Variants in GUCY2C observed in about 807,000 individuals in gnomAD.
The protein encoded by GUCY2C is guanylyl cyclase C.
In GUCY2C, 118 loss-of-function variants were observed where a neutral mutation model predicts 131.1. The ratio of observed to expected loss-of-function variants is 0.90; its 90% CI spans 0.78 to 1.05. The LOEUF is 1.05. Among genes scored for constraint, GUCY2C ranks in the 50% least tolerant of loss-of-function variants. The pLI is 0.00. For synonymous variants in GUCY2C, 452 were observed against 457.8 expected, an observed-to-expected ratio of 0.99 and a Z score of 0.16; for missense variants, 1,161 against 1,304.4, an observed-to-expected ratio of 0.89 and a Z score of 1.69.
chr12:14,678,460 C>T (rs1948283882), intron 6 of GUCY2C, among the ~76,000 whole-genome samples: 1 of 152,196 alleles, frequency 6.6e-6, no homozygotes, highest in Admixed American at 6.5e-5. Flanking sequence ...GTAAGGACTC[C>T]TTCCAGGGGT....
chr12:14,647,811 T>C (rs989928802), intron 15 of GUCY2C, among the ~76,000 whole-genome samples: 3 of 152,004 alleles, frequency 2.0e-5, no homozygotes, highest in African/African-American at 7.3e-5. Context: ...TTGGCTAATA[T>C]ATATGATATA....
intron 1 of GUCY2C, among the ~76,000 whole-genome samples, chr12:14,693,810 A>G (rs761304170): frequency 6.6e-6 from 1 of 152,246 alleles, no homozygotes; most frequent in South Asian, 2.1e-4. Flanking sequence ...GGAGATGATA[A>G]ATAACTCACC....
intron 10 of GUCY2C, among the ~76,000 whole-genome samples, chr12:14,668,595 C>T (rs1379905375): frequency 1.3e-5 from 2 of 151,852 alleles, no homozygotes; most frequent in African/African-American, 2.4e-5. Context: ...TGAGCCACCA[C>T]GCTTGGCTCT....
intron 2 of GUCY2C, among the ~76,000 whole-genome samples, chr12:14,687,456 C>T (rs1177474623): frequency 6.6e-6 from 1 of 152,006 alleles, no homozygotes; most frequent in African/African-American, 2.4e-5. Context: ...CCTGTCTCTA[C>T]AAATAATATA....
chr12:14,682,062 A>G (rs766875911), intron 4 of GUCY2C, among the ~76,000 whole-genome samples: 7 of 152,186 alleles, frequency 4.6e-5, no homozygotes, highest in Non-Finnish European at 8.8e-5. Context: ...TGGAGAAAGA[A>G]TGCAGAATTA....
chr12:14,663,200 G>A (rs1022539864), intron 10 of GUCY2C, among the ~76,000 whole-genome samples: 3 of 152,238 alleles, frequency 2.0e-5, no homozygotes, highest in Non-Finnish European at 4.4e-5. Context: ...AGAGAGCAGA[G>A]ATGCACAGAG....
Position 14,641,089 on chromosome 12 carries a change from G to T in GUCY2C, c.2061C>A (p.Asp687Glu), listed in dbSNP as rs1947393045. The part of the protein sequence containing the change: ...KETFYTLSCR[D>E]RNEKIFRVEN... ...GAATGGGTTTAGATGTACCATTCCG[G>T]TCCCGACAGCTCAAAGTGTAGAAGG... Residue 687 changes from aspartate to glutamate, a missense_variant, in exon 18 of 27, where the codon GAC becomes GAA. Coordinates refer to ENST00000261170, the MANE Select transcript of GUCY2C (RefSeq NM_004963.4). The T allele has an allele frequency of 6.2e-7, 1 of 1,613,380 alleles. No homozygotes were observed. Among genetic ancestry groups the T allele is most frequent in the Admixed American group, 1.7e-5 (1 of 60,002 alleles).
chr12:14,641,013 G>A (rs928379610), intron 18 of GUCY2C, 69 bp downstream of exon 18: 1 of 1,394,616 alleles, frequency 7.2e-7, no homozygotes. Flanking sequence ...GACAGATTAG[G>A]GTCTCAGTAA....
In GUCY2C at chr12:14,612,854, T is replaced by A; in HGVS notation, c.*263A>T. 1 of 371,980 alleles carries A rather than the reference T, an allele frequency of 2.7e-6. No homozygotes were observed. The highest frequency in any genetic ancestry group is 4.8e-6 in the Non-Finnish European group (1 of 207,344). The allele number at this position is 371,980 out of a possible 1,614,324, so 23.0% of individuals were successfully genotyped here. On this transcript the variant is annotated 3_prime_UTR_variant, in exon 27 of 27. Transcript: ENST00000261170. ...TAAAATCTTCTCAAGTTCTAGATAG[T>A]CTATTCATTTCTTTTCTTTTCCAGG...
intron 5 of GUCY2C, among the ~76,000 whole-genome samples, chr12:14,680,684 A>G (rs1948331433): frequency 6.6e-6 from 1 of 152,138 alleles, no homozygotes; most frequent in South Asian, 2.1e-4. Flanking sequence ...TTTTATTTGA[A>G]TAGATTTTTG....
chr12:14,674,906 T>G lies in GUCY2C; in HGVS notation c.949-146A>C, dbSNP rs7294807. ...TTGAAGGGATGTTATTAAAGGAGAC[T>G]TTTAGAAAACTCTTCCTTGGAGGCC... is the stretch of plus-strand genomic sequence containing the variant. On this transcript the variant is annotated intron_variant, in intron 7 of 26. Transcript: ENST00000261170. 0.011 allele frequency: 6,972 copies of G among 650,992 alleles called. 385 individuals are homozygous for G. In the African/African-American group the frequency reaches 0.12, roughly 11 times the overall value. The allele number at this position is 650,992 out of a possible 1,614,324, so 40.3% of individuals were successfully genotyped here. A position where few individuals can be genotyped will look rare whatever the true frequency, so the allele number is the denominator to read the frequency against.
chr12:14,655,489 C>T (rs1270694704), intron 12 of GUCY2C, among the ~76,000 whole-genome samples: 2 of 152,048 alleles, frequency 1.3e-5, no homozygotes, highest in East Asian at 3.9e-4. Flanking sequence ...CATTAGAGGG[C>T]AGCACACAGG....
chr12:14,639,892 G>C lies in GUCY2C; in HGVS notation c.2127C>G (p.Phe709Leu). ...NGMKPFRPDL[F>L]LETAEEKELE... Reference sequence around the variant, plus strand: ...GCTCTTTTTCCTCTGCTGTTTCCAAGAATAAATCTGGGCGGAAGGGTTTCA... The same window carrying C: ...GCTCTTTTTCCTCTGCTGTTTCCAACAATAAATCTGGGCGGAAGGGTTTCA... Residue 709 changes from phenylalanine to leucine, a missense_variant, in exon 19 of 27, where the codon TTC (phenylalanine) becomes TTG (leucine). Physicochemically the swap from Phe to Leu is conservative, Grantham distance 22. Coordinates refer to ENST00000261170, the MANE Select transcript of GUCY2C (RefSeq NM_004963.4). 2 of 1,609,934 alleles carry C rather than the reference G, an allele frequency of 1.2e-6. No individual in the cohort carries two copies. The highest frequency in any genetic ancestry group is 1.7e-6 in the Non-Finnish European group (2 of 1,176,162).
rs1315176746 is a variant in GUCY2C, at chr12:14,669,781, T to A, written c.1223A>T (p.Asp408Val). 4 of 1,607,528 alleles carry A rather than the reference T, an allele frequency of 2.5e-6. No homozygotes were observed. Among genetic ancestry groups the A allele is most frequent in the Non-Finnish European group, 3.4e-6 (4 of 1,174,898 alleles). ...DTHVNKTYPV[D>V]MSPTFTWKNS... is the part of the protein sequence containing the mutation. ...CTTCCAAGTGAATGTGGGGCTCATA[T>A]CCACAGGATAGGTCTTATTTACGTG... Residue 408 changes from aspartate (D) to valine (V), a missense_variant, in exon 10 of 27, where the codon GAT becomes GTT. Asp to Val is a radical substitution (Grantham distance 152). Transcript: ENST00000261170.
Position 14,619,076 on chromosome 12 carries a change from T to C in GUCY2C, c.2875+135A>G, listed in dbSNP as rs1592073833. ...CAAAAGGTGGATTGACACGGGTTTGTGTTCAGCTAATGTGAAGAATTATTC... is the reference window on the plus strand; with the variant it reads ...CAAAAGGTGGATTGACACGGGTTTGCGTTCAGCTAATGTGAAGAATTATTC... On this transcript the variant is annotated intron_variant, in intron 24 of 26. Coordinates refer to ENST00000261170, the MANE Select transcript of GUCY2C (RefSeq NM_004963.4). The C allele has an allele frequency of 1.2e-5, 7 of 569,936 alleles. No individual in the cohort carries two copies. The South Asian group carries it at 1.9e-4, about 15-fold the overall frequency. 35.3% of individuals were successfully genotyped at this position (569,936 alleles called of 1,614,324 possible). A position where few individuals can be genotyped will look rare whatever the true frequency, so the allele number is the denominator to read the frequency against.
chr12:14,661,053 A>C lies in GUCY2C; in HGVS notation c.1292T>G (p.Ile431Ser). 6.2e-7 allele frequency: 1 copy of C among 1,610,722 alleles called. No individual in the cohort carries two copies. The highest frequency in any genetic ancestry group is 8.5e-7 in the Non-Finnish European group (1 of 1,176,894). The change falls in exon 11 of 27, where the codon ATC becomes AGC. Residue 431 changes from isoleucine (I) to serine (S), a missense_variant. Ile to Ser is a moderately radical substitution (Grantham distance 142, BLOSUM62 -2). Transcript: ENST00000261170. ...GAGGGTGAAGACTGCAATCATCAGG[A>C]TCTGAGGGCCTGTGGCGGAAAATGC... ...PNDITGRGPQILMIAVFTLTG... is the reference protein window; with the variant it reads ...PNDITGRGPQSLMIAVFTLTG...
chr12:14,661,049 C>T lies in GUCY2C; in HGVS notation c.1296G>A (p.Leu432=). ...CAGTGAGGGTGAAGACTGCAATCATCAGGATCTGAGGGCCTGTGGCGGAAA... is the reference window on the plus strand; with the variant it reads ...CAGTGAGGGTGAAGACTGCAATCATTAGGATCTGAGGGCCTGTGGCGGAAA... ...NDITGRGPQI[L]MIAVFTLTGA... The change falls in exon 11 of 27, where the codon CTG becomes CTA. Residue 432 remains leucine (L), a synonymous_variant. Coordinates refer to ENST00000261170, the MANE Select transcript of GUCY2C (RefSeq NM_004963.4). 1 of 1,611,928 alleles carries T rather than the reference C, an allele frequency of 6.2e-7. No homozygotes were observed.
At chr12:14,643,517 A>C in intron 17 of GUCY2C, 57 bp downstream of exon 17, 1 of 1,542,066 alleles carries the variant, frequency 6.5e-7, no homozygotes, top group Admixed American at 1.7e-5. Flanking sequence ...ACCACGCTAC[A>C]TGGGTTTGAA....
intron 7 of GUCY2C, among the ~76,000 whole-genome samples, chr12:14,676,324 A>G (rs1399263899): frequency 6.6e-6 from 1 of 152,210 alleles, no homozygotes; most frequent in East Asian, 1.9e-4. Flanking sequence ...GGCATAATGG[A>G]ATAACAGGAA....
Sources: allele counts gnomAD v4.1 joint callset (sites outside exome capture counted in the v4.1 genomes callset), GRCh38; gene constraint gnomAD v4.1.1; transcripts MANE v1.5; gene names NCBI Gene and HGNC (gene_info 2026-07-23, HGNC 2026-07-21).